CFAP69: variants seen among roughly 807,000 people sequenced by gnomAD.
CFAP69 encodes the protein cilia and flagella associated protein 69.
In CFAP69, 92 loss-of-function variants were observed where a neutral mutation model predicts 123.0. That is an observed-to-expected ratio of 0.75 (90% CI 0.63 to 0.89). The LOEUF is 0.89. CFAP69 is among the 40% of genes least tolerant of loss of function. The probability of loss-of-function intolerance (pLI) is 0.00; values close to 1 mark genes in which losing one functional copy is unlikely to be tolerated. For missense variants in CFAP69, 1,067 were observed against 1,096.9 expected, an observed-to-expected ratio of 0.97 and a Z score of 0.39; for synonymous variants, 380 against 364.3, an observed-to-expected ratio of 1.04 and a Z score of -0.49.
rs1584558945 is a variant in CFAP69, at chr7:90,307,825, G to T, written c.2521G>T (p.Ala841Ser). The T allele has an allele frequency of 1.2e-6, 2 of 1,612,092 alleles. No individual in the cohort carries two copies. Among genetic ancestry groups the T allele is most frequent in the Non-Finnish European group, 1.7e-6 (2 of 1,178,870 alleles). Residue 841 changes from alanine to serine, a missense_variant, in exon 21 of 23, where the codon GCT (alanine) becomes TCT (serine). Coordinates refer to ENST00000389297, the MANE Select transcript of CFAP69 (RefSeq NM_001039706.3). ...LANKSWEDFL[A>S]RTSNAKTLKK... ...TAATAAATCATGGGAAGATTTCTTG[G>T]CTAGAACATCAAACGCTAAAACGTT... is the stretch of plus-strand genomic sequence containing the variant.
intron 1 of CFAP69, among the ~76,000 whole-genome samples, chr7:90,249,206 C>T (rs2116523971): frequency 6.6e-6 from 1 of 152,234 alleles, no homozygotes; most frequent in East Asian, 1.9e-4. Flanking sequence ...AGTGAGTTCT[C>T]ACGAGATCTG....
At position 90,279,847 on chromosome 7, in the gene CFAP69, G is replaced by C; in HGVS notation, c.1326G>C (p.Gln442His). ...PLLIEEYMSC[Q>H]GNARVLAFLE... Reference sequence around the variant, plus strand: ...TAATAGAAGAATACATGTCATGCCAGGGAAATGCTCGAGTCCTTGCATTTC... The same window carrying C: ...TAATAGAAGAATACATGTCATGCCACGGAAATGCTCGAGTCCTTGCATTTC... Residue 442 changes from glutamine (Q) to histidine (H), a missense_variant, in exon 12 of 23, where the codon CAG (glutamine) becomes CAC (histidine). Coordinates refer to ENST00000389297, the MANE Select transcript of CFAP69 (RefSeq NM_001039706.3). 6.2e-7 allele frequency: 1 copy of C among 1,611,406 alleles called. No homozygotes were observed. The highest frequency in any genetic ancestry group is 8.5e-7 in the Non-Finnish European group (1 of 1,179,300).
At chr7:90,265,162 T>C (rs1798976108) in intron 4 of CFAP69, 139 bp from the exon 5 acceptor site, 2 of 521,190 alleles carry the variant, frequency 3.8e-6, no homozygotes, top group Non-Finnish European at 3.4e-6. Context: ...TAGTTAATAA[T>C]TGTCAATCCC....
intron 13 of CFAP69, among the ~76,000 whole-genome samples, chr7:90,285,856 G>C (rs752560571): frequency 1.3e-5 from 2 of 152,176 alleles, no homozygotes; most frequent in African/African-American, 2.4e-5. Context: ...TTCTGAACTA[G>C]AATTTCTATA....
At chr7:90,309,147 T>G (rs1794013360) in intron 21 of CFAP69, 116 bp from the exon 22 acceptor site, 1 of 503,706 alleles carries the variant, frequency 2.0e-6, no homozygotes, top group East Asian at 3.2e-5. Context: ...TTCAGCGCTA[T>G]CTAATAAACA....
At chr7:90,295,076 G>A (rs898984971) in intron 15 of CFAP69, among the ~76,000 whole-genome samples, 9 of 152,134 alleles carry the variant, frequency 5.9e-5, no homozygotes, top group Non-Finnish European at 1.0e-4. Flanking sequence ...CCCTTTTAGG[G>A]AGGAAAAAGC....
At chr7:90,298,071 G>A (rs948444389) in intron 16 of CFAP69, among the ~76,000 whole-genome samples, 7 of 152,066 alleles carry the variant, frequency 4.6e-5, no homozygotes, top group South Asian at 2.1e-4. Flanking sequence ...TCAAATACAC[G>A]GGAACAAAGA....
At chr7:90,319,089 C>A in the CFAP69 span, 6 of 286,776 alleles carry the variant, frequency 2.1e-5, no homozygotes, top group East Asian at 5.9e-5. Context: ...TTCTTATGAA[C>A]TATTCATGGG....
At chr7:90,299,050 T>C (rs948741684) in intron 16 of CFAP69, among the ~76,000 whole-genome samples, 2 of 152,182 alleles carry the variant, frequency 1.3e-5, no homozygotes, top group African/African-American at 4.8e-5. Context: ...CCAGGGAGTC[T>C]CATATAACTC....
At chr7:90,277,947 T>G (rs1788850787) in intron 11 of CFAP69, among the ~76,000 whole-genome samples, 3 of 152,102 alleles carry the variant, frequency 2.0e-5, no homozygotes, top group African/African-American at 7.2e-5. Context: ...AAGGAAAGAT[T>G]ATAATGCTTC....
rs756132715 is a variant in CFAP69 at position 90,273,147 on chromosome 7, G to A, written c.861-840G>A. 2.5e-4 allele frequency among the ~76,000 whole-genome samples: 38 copies of A among 152,288 alleles called. No homozygotes were observed. In the Middle Eastern group the frequency reaches 0.024, roughly 95 times the overall value. On this transcript the variant is annotated intron_variant, in intron 8 of 22. Coordinates refer to ENST00000389297, the MANE Select transcript of CFAP69 (RefSeq NM_001039706.3). The stretch of plus-strand genomic sequence containing the variant: ...ATGAACTCAAGTCTAGTAACTGAAT[G>A]ACAAACAGGACTTGGTAACAGAAAA...
At position 90,255,472 on chromosome 7, in the gene CFAP69, A is replaced by C. The variant is rs768296598; in HGVS notation, c.170A>C (p.Glu57Ala). ...AATCGTGTCATCAAACTCCTCGAAG[A>C]GACTGATAAAGTGAGTAAGCTTTGA... ...DLNRVIKLLE[E>A]TDKDGLEEKQ... The change falls in exon 2 of 23, where the codon GAG becomes GCG. Residue 57 changes from glutamate to alanine, a missense_variant. Glu to Ala is a moderately radical substitution (Grantham distance 107, BLOSUM62 -1). Transcript: ENST00000389297. 1.2e-6 allele frequency: 2 copies of C among 1,612,120 alleles called. No individual in the cohort carries two copies. Among genetic ancestry groups the C allele is most frequent in the Non-Finnish European group, 1.7e-6 (2 of 1,178,900 alleles).
chr7:90,263,162 A>G (rs73707434), intron 4 of CFAP69, among the ~76,000 whole-genome samples: 2,312 of 152,306 alleles, frequency 0.015, 77 homozygotes, highest in African/African-American at 0.053. Flanking sequence ...TTCATTGTCT[A>G]TGAAAACTTG....
rs777411756 is a variant in CFAP69, at chr7:90,271,591, A to G, written c.598A>G (p.Met200Val). The G allele has an allele frequency of 1.9e-6, 3 of 1,613,524 alleles. No homozygotes were observed. The highest frequency in any genetic ancestry group is 1.1e-5 in the South Asian group (1 of 91,046). Residue 200 changes from methionine to valine, a missense_variant, in exon 7 of 23, where the codon ATG becomes GTG. Physicochemically the swap from Met to Val is conservative, Grantham distance 21. Transcript: ENST00000389297. ...MAEVGGLAKT[M>V]VQSMTLLENQ... is the part of the protein sequence containing the mutation. Reference sequence around the variant, plus strand: ...TGAAGTTGGAGGATTAGCAAAAACAATGGTCCAGTCAATGACCTTGCTTGA... The same window carrying G: ...TGAAGTTGGAGGATTAGCAAAAACAGTGGTCCAGTCAATGACCTTGCTTGA...
intron 6 of CFAP69, among the ~76,000 whole-genome samples, chr7:90,270,816 T>C (rs1799837768): frequency 6.6e-6 from 1 of 152,132 alleles, no homozygotes; most frequent in Non-Finnish European, 1.5e-5. Context: ...TAATTAGGTA[T>C]ACCTGCATCA....
chr7:90,283,858 A>C (rs1465860592), intron 13 of CFAP69, among the ~76,000 whole-genome samples: 1 of 152,158 alleles, frequency 6.6e-6, no homozygotes, highest in East Asian at 1.9e-4. Flanking sequence ...TTACTCTTCC[A>C]TCACTAGTGG....
rs763364101 is a variant in CFAP69, at chr7:90,299,873, CA to C, written c.1872del (p.Lys624AsnfsTer5). On this transcript the variant is annotated frameshift_variant, in exon 17 of 23. Transcript: ENST00000389297. ...FLLLDLLALN[Q>X]KKFCNLILGI... is the part of the protein sequence containing the mutation. ...TTCTGTTTCCTTGCTAAAGTTGAAC[CA>C]AAAAAAATTCTGTAATCTAATACTT... is the stretch of plus-strand genomic sequence containing the variant. The C allele has an allele frequency of 7.4e-5, 117 of 1,588,684 alleles. No individual in the cohort carries two copies. Among genetic ancestry groups the C allele is most frequent in the South Asian group, 2.8e-4 (24 of 86,606 alleles).
intron 3 of CFAP69, among the ~76,000 whole-genome samples, chr7:90,259,470 G>GTGTT (rs71526680): frequency 0.073 from 9,228 of 126,838 alleles, 353 homozygotes; most frequent in Non-Finnish European, 0.11. Context: ...TTGTTTTGGG[G>GTGTT]TGTTTGTTTG....
At position 90,310,401 on chromosome 7, in the gene CFAP69, A is replaced by G. The variant is rs1436427093; in HGVS notation, c.*163A>G. 1.1e-5 allele frequency: 4 copies of G among 376,642 alleles called. No individual in the cohort carries two copies. In the East Asian group the frequency reaches 1.4e-4, roughly 13 times the overall value. 23.3% of individuals were successfully genotyped at this position (376,642 alleles called of 1,614,324 possible). ...GACATATAATTTATTTTTATGGAAA[A>G]CATCAACATGTAATATCAGAAGAGT... On this transcript the variant is annotated 3_prime_UTR_variant, in exon 23 of 23. Coordinates refer to ENST00000389297, the MANE Select transcript of CFAP69 (RefSeq NM_001039706.3).
Sources: allele counts gnomAD v4.1 joint callset (sites outside exome capture counted in the v4.1 genomes callset), GRCh38; gene constraint gnomAD v4.1.1; transcripts MANE v1.5; gene names NCBI Gene and HGNC (gene_info 2026-07-23, HGNC 2026-07-21).